Variants in ZNF469 observed in about 807,000 individuals in gnomAD.
ZNF469 encodes zinc finger protein 469.
ZNF469 carries 1 observed loss-of-function variant against 1.0 expected under a neutral mutation model. The ratio of observed to expected loss-of-function variants is 1.00; its 90% CI spans 0.35 to 4.73. The LOEUF (loss-of-function observed/expected upper bound fraction) is 4.73. Among genes scored for constraint, ZNF469 ranks in the 30% most tolerant of loss-of-function variants. The pLI is 0.16. For missense variants in ZNF469, 6,100 were observed against 5,356.3 expected (o/e 1.14, Z -4.33); for synonymous variants, 2,703 against 2,363.4 (o/e 1.14, Z -4.17).
At chr16:88,164,696 G>T in the ZNF469 span, among the ~76,000 whole-genome samples, 1 of 152,182 alleles carries the variant, frequency 6.6e-6, no homozygotes, top group Admixed American at 6.5e-5. Flanking sequence ...TGCCAGTGGG[G>T]ATCACAGGGC....
At chr16:88,272,040 A>G in the ZNF469 span, among the ~76,000 whole-genome samples, 1 of 151,956 alleles carries the variant, frequency 6.6e-6, no homozygotes, top group African/African-American at 2.4e-5. Flanking sequence ...GGGTGAATGA[A>G]TGAACTGGGG....
At chr16:88,380,965 C>CATGCACTCACACAT (rs1227203050), upstream of ZNF469, among the ~76,000 whole-genome samples, 1 of 147,038 alleles carries the variant, frequency 6.8e-6, no homozygotes, top group Non-Finnish European at 1.5e-5. Context: ...CACACACAGA[C>CATGCACTCACACAT]ATGCACTCAC....
the ZNF469 span, among the ~76,000 whole-genome samples, chr16:88,375,024 G>C: frequency 4.6e-5 from 7 of 152,376 alleles, no homozygotes; most frequent in South Asian, 1.4e-3. Context: ...GCACCGAAGC[G>C]CTGGGACTGT....
the ZNF469 span, among the ~76,000 whole-genome samples, chr16:88,140,778 CAA>C: frequency 3.9e-5 from 6 of 152,208 alleles, no homozygotes; most frequent in Non-Finnish European, 7.4e-5. Context: ...CTAAAAAATA[CAA>C]AAGTTAGCCG....
At chr16:88,341,597 C>T in the ZNF469 span, among the ~76,000 whole-genome samples, 58 of 152,358 alleles carry the variant, frequency 3.8e-4, no homozygotes, top group East Asian at 2.3e-3. Flanking sequence ...AACTCCCGCA[C>T]GGCTCACAGC....
At chr16:88,186,016 C>T in the ZNF469 span, among the ~76,000 whole-genome samples, 15 of 152,368 alleles carry the variant, frequency 9.8e-5, no homozygotes, top group Middle Eastern at 3.4e-3. Context: ...CTCAGAGTGC[C>T]CCCCTCCCTC....
In ZNF469 at chr16:88,428,160, T is replaced by G; in HGVS notation, c.690T>G (p.Ser230Arg). ...QPGSYPEYQA[S>R]GADSWPPAAE... Reference sequence around the variant, plus strand: ...GTTCCTATCCCGAATACCAGGCCAGTGGGGCCGACTCCTGGCCTCCCGCTG... The same window carrying G: ...GTTCCTATCCCGAATACCAGGCCAGGGGGGCCGACTCCTGGCCTCCCGCTG... Residue 230 changes from serine (S) to arginine (R), a missense_variant, in exon 3 of 3, where the codon AGT becomes AGG. Physicochemically the swap from Ser to Arg is moderately radical, Grantham distance 110. Transcript: ENST00000565624. 6.5e-7 allele frequency: 1 copy of G among 1,550,164 alleles called. No individual in the cohort carries two copies. Among genetic ancestry groups the G allele is most frequent in the Non-Finnish European group, 8.7e-7 (1 of 1,146,890 alleles).
At chr16:88,234,777 T>C in the ZNF469 span, 1 of 152,218 alleles carries the variant, frequency 6.6e-6, no homozygotes. Flanking sequence ...GTCTTTCCCA[T>C]TGCAGCTTCT....
chr16:88,235,280 C>T, the ZNF469 span, among the ~76,000 whole-genome samples: 1 of 152,352 alleles, frequency 6.6e-6, no homozygotes, highest in Admixed American at 6.5e-5. Context: ...CGGGCTTCCG[C>T]ACACATTTCT....
At chr16:88,421,638 C>G (rs35995188) in intron 1 of ZNF469, among the ~76,000 whole-genome samples, 1 of 152,278 alleles carries the variant, frequency 6.6e-6, no homozygotes, top group Admixed American at 6.5e-5. Context: ...GTTCTGCCCG[C>G]AAGCTGGGCA....
chr16:88,166,991 C>T, the ZNF469 span, among the ~76,000 whole-genome samples: 1 of 146,716 alleles, frequency 6.8e-6, no homozygotes, highest in Non-Finnish European at 1.5e-5. The surrounding 1 kb of genome is among the most constrained non-coding windows in gnomAD (Gnocchi z 4.5). Context: ...GACTCTTGGG[C>T]GGAATCCATG....
the ZNF469 span, among the ~76,000 whole-genome samples, chr16:88,120,818 C>T: frequency 2.2e-4 from 33 of 152,254 alleles, no homozygotes; most frequent in South Asian, 4.1e-4. Flanking sequence ...AGGAGACGCC[C>T]GTGTCGAGGG....
In ZNF469 at chr16:88,424,989, G is replaced by A. The variant is rs539532938; in HGVS notation, c.-127+118G>A. On this transcript the variant is annotated intron_variant, in intron 2 of 2. Transcript: ENST00000565624. The surrounding 1 kb of genome is among the most constrained non-coding windows in gnomAD (Gnocchi z 4.3). ...TCCTCTCCCTCTCAGGACAGTAACC[G>A]GGCCTGCCTACTGCCTCCCGAGAGC... 2.7e-5 allele frequency among the ~76,000 whole-genome samples: 4 copies of A among 150,654 alleles called. No homozygotes were observed. Among genetic ancestry groups the A allele is most frequent in the African/African-American group, 7.3e-5 (3 of 41,256 alleles).
the ZNF469 span, among the ~76,000 whole-genome samples, chr16:88,354,168 G>A: frequency 1.6e-4 from 25 of 152,174 alleles, no homozygotes; most frequent in Admixed American, 1.6e-3. Flanking sequence ...CAGCCTCCTT[G>A]CAACCCAAGG....
the ZNF469 span, among the ~76,000 whole-genome samples, chr16:88,275,162 C>T: frequency 2.0e-5 from 3 of 152,260 alleles, no homozygotes; most frequent in East Asian, 1.9e-4. Context: ...GGGAGCCTGC[C>T]GCGCATTTGG....
chr16:88,420,910 CCT>C (rs1905436710), intron 1 of ZNF469, among the ~76,000 whole-genome samples: 1 of 151,508 alleles, frequency 6.6e-6, no homozygotes. Flanking sequence ...CCCAAAGCCC[CCT>C]GTGTGGTTGG....
chr16:88,261,584 T>C, the ZNF469 span, among the ~76,000 whole-genome samples: 1 of 152,158 alleles, frequency 6.6e-6, no homozygotes, highest in Non-Finnish European at 1.5e-5. This position sits in a 1 kb window ranked among gnomAD's most constrained non-coding sequence, Gnocchi z 6.0. Context: ...GTCCTGGCCT[T>C]TGTAAAGAGC....
At chr16:88,124,098 C>G in the ZNF469 span, among the ~76,000 whole-genome samples, 3 of 152,226 alleles carry the variant, frequency 2.0e-5, no homozygotes, top group Non-Finnish European at 4.4e-5. Flanking sequence ...CCAACGCACC[C>G]AGCCAGTTTC....
chr16:88,154,941 T>C, the ZNF469 span, among the ~76,000 whole-genome samples: 1 of 152,204 alleles, frequency 6.6e-6, no homozygotes, highest in South Asian at 2.1e-4. Context: ...TTCTGGGCAG[T>C]GGGGTGTGGG....
Sources: allele counts gnomAD v4.1 joint callset (sites outside exome capture counted in the v4.1 genomes callset), GRCh38; gene constraint gnomAD v4.1.1; non-coding constraint Gnocchi (gnomAD v3.1); transcripts MANE v1.5; gene names NCBI Gene and HGNC (gene_info 2026-07-23, HGNC 2026-07-21).